Variants in MYH15 observed in about 807,000 individuals in gnomAD.
The protein encoded by MYH15 is myosin-15.
MYH15 carries 227 observed loss-of-function variants against 240.5 expected under a neutral mutation model. That is an observed-to-expected ratio of 0.94 (90% CI 0.85 to 1.05). The LOEUF (loss-of-function observed/expected upper bound fraction) is 1.05, where lower values mean the gene tolerates loss of function less well. Among genes scored for constraint, MYH15 ranks in the 50% least tolerant of loss-of-function variants. The pLI, the probability that MYH15 is intolerant of heterozygous loss-of-function variation, is 0.00. For synonymous variants in MYH15, 785 were observed against 796.7 expected (o/e 0.99, Z 0.25); for missense variants, 2,217 against 2,247.5 (o/e 0.99, Z 0.27).
chr3:108,399,350 G>GA, intron 33 of MYH15, 83 bp from the exon 34 acceptor site: 2 of 1,131,112 alleles, frequency 1.8e-6, no homozygotes, highest in Non-Finnish European at 2.5e-6. Context: ...AACAGTACAA[G>GA]AAACAGAAAA....
the MYH15 span, among the ~76,000 whole-genome samples, chr3:108,545,964 A>G: frequency 4.6e-5 from 7 of 152,176 alleles, no homozygotes; most frequent in African/African-American, 1.4e-4. Flanking sequence ...TTAGTGCACA[A>G]CCTTATTTCT....
In MYH15 at chr3:108,495,813, A is replaced by G; in HGVS notation, c.678T>C (p.Ala226=). 1.9e-6 allele frequency: 3 copies of G among 1,612,890 alleles called. No individual in the cohort carries two copies. The highest frequency in any genetic ancestry group is 2.5e-6 in the Non-Finnish European group (3 of 1,179,520). ...ANTILEAFGN[A]KTLRNDNSSR... The stretch of plus-strand genomic sequence containing the variant: ...AGGAGTTGTCATTTCTCAGGGTTTT[A>G]GCATTTCCAAATGCTTCCAAGATAG... The change falls in exon 7 of 41, where the codon GCT becomes GCC. Residue 226 remains alanine (A), a synonymous_variant. Transcript: ENST00000693548.
Position 108,464,768 on chromosome 3 carries a change from T to G in MYH15, c.1601A>C (p.Lys534Thr), listed in dbSNP as rs754133409. ...GGTCTTGAAAGTCAGGTCTGTAGCC[T>G]TAGGAAACATACACTCTTCTTCAAG... Reference protein sequence around the residue: ...SILEEECMFPKATDLTFKTKL... With the variant: ...SILEEECMFPTATDLTFKTKL... The change falls in exon 15 of 41, where the codon AAG (lysine) becomes ACG (threonine). Residue 534 changes from lysine to threonine, a missense_variant. Physicochemically the swap from Lys to Thr is moderately conservative, Grantham distance 78. Transcript: ENST00000693548. The G allele has an allele frequency of 1.9e-6, 3 of 1,613,392 alleles. No homozygotes were observed. Among genetic ancestry groups the G allele is most frequent in the Non-Finnish European group, 2.5e-6 (3 of 1,179,770 alleles).
chr3:108,530,531 T>G (rs571481642), upstream of MYH15, among the ~76,000 whole-genome samples: 1 of 152,176 alleles, frequency 6.6e-6, no homozygotes, highest in African/African-American at 2.4e-5. Flanking sequence ...TCCAGACCCA[T>G]AGGATGTACA....
chr3:108,500,343 G>A, intron 3 of MYH15, 69 bp from the exon 4 acceptor site: 1 of 1,496,042 alleles, frequency 6.7e-7, no homozygotes, highest in Non-Finnish European at 9.1e-7. Context: ...AGCTCTTCCA[G>A]TGTCAAGTAA....
At position 108,383,577 on chromosome 3, in the gene MYH15, G is replaced by A; in HGVS notation, c.5766+18C>T. 1 of 1,611,354 alleles carries A rather than the reference G, an allele frequency of 6.2e-7. No individual in the cohort carries two copies. The highest frequency in any genetic ancestry group is 2.2e-5 in the East Asian group (1 of 44,776). The stretch of plus-strand genomic sequence containing the variant: ...AACATGATTAAAGAGTTAGAACAGA[G>A]TTGAATATCTGCCATACCTTTTTCC... On this transcript the variant is annotated intron_variant, in intron 40 of 40. Transcript: ENST00000693548.
intron 7 of MYH15, among the ~76,000 whole-genome samples, chr3:108,495,141 A>G (rs752784505): frequency 1.3e-5 from 2 of 152,206 alleles, no homozygotes; most frequent in Non-Finnish European, 2.9e-5. Context: ...CTCAAATAGG[A>G]AGCCTTCTGC....
chr3:108,514,440 G>A (rs921896817), upstream of MYH15, among the ~76,000 whole-genome samples: 12 of 152,026 alleles, frequency 7.9e-5, no homozygotes, highest in Non-Finnish European at 1.3e-4. Context: ...TCAAATATAC[G>A]TTTGAATATA....
chr3:108,397,698 GTCA>G (rs2082472485), intron 35 of MYH15, among the ~76,000 whole-genome samples: 1 of 152,176 alleles, frequency 6.6e-6, no homozygotes, highest in Admixed American at 6.5e-5. Context: ...CTTGCTTCGT[GTCA>G]CTTACATAAC....
intron 11 of MYH15, among the ~76,000 whole-genome samples, chr3:108,484,317 G>C (rs966010671): frequency 1.3e-5 from 2 of 152,028 alleles, no homozygotes; most frequent in Non-Finnish European, 2.9e-5. Flanking sequence ...TAAGAGTATA[G>C]ATTTTTTTAA....
chr3:108,474,929 A>G (rs569316093), intron 12 of MYH15, among the ~76,000 whole-genome samples: 2 of 152,346 alleles, frequency 1.3e-5, no homozygotes, highest in East Asian at 1.9e-4. Context: ...GACACAGTTC[A>G]TGCTTCAAAG....
At chr3:108,446,400 G>T (rs1450839840) in intron 21 of MYH15, among the ~76,000 whole-genome samples, 1 of 152,186 alleles carries the variant, frequency 6.6e-6, no homozygotes, top group Non-Finnish European at 1.5e-5. Flanking sequence ...CCTGCCAGTG[G>T]ACAATGCCAG....
intron 37 of MYH15, among the ~76,000 whole-genome samples, chr3:108,389,521 C>T (rs2082408084): frequency 6.6e-6 from 1 of 152,282 alleles, no homozygotes. Flanking sequence ...CACAACCCTC[C>T]AGTCCTGCTT....
chr3:108,389,743 A>C (rs543907759), intron 37 of MYH15, among the ~76,000 whole-genome samples: 4 of 152,360 alleles, frequency 2.6e-5, no homozygotes, highest in African/African-American at 9.6e-5. Context: ...TAAGTGCCAT[A>C]GAGAGAAATA....
the MYH15 span, among the ~76,000 whole-genome samples, chr3:108,541,025 T>C: frequency 6.6e-6 from 1 of 152,124 alleles, no homozygotes; most frequent in Non-Finnish European, 1.5e-5. Context: ...TAAAGCATTA[T>C]TGAGGGTCAT....
At chr3:108,535,798 A>AC in the MYH15 span, among the ~76,000 whole-genome samples, 4 of 151,962 alleles carry the variant, frequency 2.6e-5, no homozygotes, top group East Asian at 1.9e-4. Flanking sequence ...AAAACAGGCC[A>AC]CCCCCCAAAA....
At chr3:108,476,852 C>A (rs2083225805) in intron 11 of MYH15, among the ~76,000 whole-genome samples, 2 of 152,040 alleles carry the variant, frequency 1.3e-5, no homozygotes, top group African/African-American at 2.4e-5. Context: ...AAAATGTGAA[C>A]CCTCATGCAT....
chr3:108,396,308 A>G (rs1457066673), intron 35 of MYH15, among the ~76,000 whole-genome samples: 2 of 152,234 alleles, frequency 1.3e-5, no homozygotes, highest in African/African-American at 4.8e-5. Context: ...ATTTGGTTTC[A>G]TGGAAGAAAA....
intron 25 of MYH15, among the ~76,000 whole-genome samples, chr3:108,432,387 A>G (rs1289751349): frequency 6.6e-6 from 1 of 152,162 alleles, no homozygotes; most frequent in African/African-American, 2.4e-5. Flanking sequence ...AAAGCAGAAC[A>G]TAAAAGTTTG....
Sources: gnomAD v4.1 joint callset for allele counts (sites outside exome capture counted in the v4.1 genomes callset) on GRCh38, gnomAD v4.1.1 for gene constraint, MANE v1.5 for transcripts, NCBI Gene and HGNC (gene_info 2026-07-23, HGNC 2026-07-21) for gene names.